Variants in SETD5 observed in about 807,000 individuals in gnomAD.
SETD5 encodes the protein SET domain containing 5.
Under a neutral mutation model 153.3 loss-of-function variants are expected in SETD5, and 44 were observed. That is an observed-to-expected ratio of 0.29 (90% CI 0.23 to 0.37). SETD5 has a LOEUF of 0.37. Ranked by LOEUF, SETD5 falls within the 10% of genes least tolerant of loss-of-function variation. The pLI is 1.00. For missense variants in SETD5, 1,544 were observed against 1,768.0 expected (o/e 0.87, Z 2.27); for synonymous variants, 716 against 645.2 (o/e 1.11, Z -1.66).
intron 1 of SETD5, among the ~76,000 whole-genome samples, chr3:9,405,432 T>C (rs2035498705): frequency 6.6e-6 from 1 of 152,240 alleles, no homozygotes; most frequent in African/African-American, 2.4e-5. Flanking sequence ...TGAACATAAA[T>C]TTTTCATGTC....
chr3:9,416,458 C>T (rs2037478828), intron 1 of SETD5, among the ~76,000 whole-genome samples: 1 of 152,014 alleles, frequency 6.6e-6, no homozygotes, highest in Admixed American at 6.6e-5. Flanking sequence ...AGCTCTTGCT[C>T]CCAAGAATGC....
intron 16 of SETD5, 70 bp from the exon 17 acceptor site, chr3:9,453,669 A>G: frequency 7.1e-7 from 1 of 1,412,488 alleles, no homozygotes; most frequent in Admixed American, 2.5e-5. Flanking sequence ...CAGTTGATGT[A>G]CATTTAAAAC....
intron 1 of SETD5, among the ~76,000 whole-genome samples, chr3:9,405,893 C>T (rs2035574920): frequency 6.6e-6 from 1 of 152,166 alleles, no homozygotes; most frequent in Non-Finnish European, 1.5e-5. Flanking sequence ...TTTCCTACCA[C>T]CAACCTCTGT....
rs1376209760 is a variant in SETD5, at chr3:9,435,828, T to C, written c.489T>C (p.Thr163=). 2 of 1,602,032 alleles carry C rather than the reference T, an allele frequency of 1.2e-6. No homozygotes were observed. The highest frequency in any genetic ancestry group is 1.7e-5 in the Admixed American group (1 of 57,858). ...ACACACCTACAAGCATCACCTTAAC[T>C]GTTAGAAGAACCAAACCCAAGAAGC... is the stretch of plus-strand genomic sequence containing the variant. ...TQHTPTSITL[T]VRRTKPKKRK... The change falls in exon 7 of 23, where the codon ACT becomes ACC. Residue 163 remains threonine, a synonymous_variant. Transcript: ENST00000402198.
At chr3:9,402,770 A>T (rs1230970398) in intron 1 of SETD5, among the ~76,000 whole-genome samples, 1 of 152,168 alleles carries the variant, frequency 6.6e-6, no homozygotes, top group Non-Finnish European at 1.5e-5. Flanking sequence ...TACAAAATAG[A>T]TTTCTGTCTG....
chr3:9,429,738 CTCTTT>C (rs2039753261), intron 3 of SETD5: 2 of 865,910 alleles, frequency 2.3e-6, no homozygotes, highest in South Asian at 2.0e-5. Context: ...TGTATCCCTT[CTCTTT>C]TAAGTTGTCC....
intron 1 of SETD5, among the ~76,000 whole-genome samples, chr3:9,421,137 A>C (rs529499991): frequency 3.2e-4 from 48 of 152,162 alleles, no homozygotes; most frequent in African/African-American, 1.1e-3. Context: ...AGTTGGCAGC[A>C]GTGCCAGGAT....
intron 14 of SETD5, 91 bp downstream of exon 14, chr3:9,447,398 A>G (rs1031612031): frequency 1.3e-5 from 19 of 1,500,020 alleles, no homozygotes; most frequent in Admixed American, 2.2e-5. Context: ...CAGTGTTTTC[A>G]GCTTTGCTCC....
At chr3:9,444,294 G>C (rs2125225341) in intron 11 of SETD5, among the ~76,000 whole-genome samples, 1 of 152,164 alleles carries the variant, frequency 6.6e-6, no homozygotes, top group African/African-American at 2.4e-5. Flanking sequence ...GAGGTTATGT[G>C]GTAAAGTGAT....
At position 9,476,018 on chromosome 3, in the gene SETD5, G is replaced by A. The variant is rs188493095; in HGVS notation, c.4256G>A (p.Ser1419Asn). The A allele has an allele frequency of 9.9e-6, 16 of 1,614,044 alleles. No homozygotes were observed. Among genetic ancestry groups the A allele is most frequent in the South Asian group, 4.4e-5 (4 of 91,090 alleles). The change falls in exon 23 of 23, where the codon AGT becomes AAT. Residue 1419 changes from serine (S) to asparagine (N), a missense_variant. Around this residue, in one of 9 missense-constraint regions of SETD5, gnomAD observed 302 missense variants for 277.6 expected, o/e 1.09. Transcript: ENST00000402198. ...SNSQHYPHRG[S>N]GGVHQYRLQP... ...TCACAGCACTACCCACACCGTGGGA[G>A]TGGGGGTGTGCACCAGTACCGACTC...
rs149442483 is a variant in SETD5 at position 9,457,117 on chromosome 3, T to A, written c.2476+3249T>A. ...TTATTATCAAAGTAGGGCAGGGGCA[T>A]GATGTTCATTATTTGTAAATGATGT... is the stretch of plus-strand genomic sequence containing the variant. On this transcript the variant is annotated intron_variant, in intron 17 of 22. Coordinates refer to ENST00000402198, the MANE Select transcript of SETD5 (RefSeq NM_001080517.3). Among the ~76,000 whole-genome samples, 36 of 152,326 alleles carry A rather than the reference T, an allele frequency of 2.4e-4. No homozygotes were observed. The East Asian group carries it at 6.9e-3, about 29-fold the overall frequency.
At chr3:9,451,486 G>T (rs2042621321) in intron 16 of SETD5, among the ~76,000 whole-genome samples, 1 of 152,164 alleles carries the variant, frequency 6.6e-6, no homozygotes, top group African/African-American at 2.4e-5. Flanking sequence ...TCTCACTGTT[G>T]TCCAGGCTGG....
At chr3:9,438,655 C>A (rs2040890589) in intron 7 of SETD5, among the ~76,000 whole-genome samples, 1 of 152,170 alleles carries the variant, frequency 6.6e-6, no homozygotes, top group Non-Finnish European at 1.5e-5. Context: ...AAAAAATTAT[C>A]ATTTGGATTT....
At chr3:9,429,800 C>A in intron 3 of SETD5, 1 of 1,297,792 alleles carries the variant, frequency 7.7e-7, no homozygotes, top group Non-Finnish European at 1.0e-6. Context: ...TTTTACCTCC[C>A]TTGTACCCAA....
chr3:9,429,659 A>G (rs981070540), intron 3 of SETD5, among the ~76,000 whole-genome samples: 12 of 152,198 alleles, frequency 7.9e-5, no homozygotes, highest in Admixed American at 5.2e-4. Context: ...ATGCCAAATG[A>G]CAATGAAGGT....
In SETD5 at chr3:9,448,649, G is replaced by A. The variant is rs746057480; in HGVS notation, c.2346+19G>A. On this transcript the variant is annotated intron_variant, in intron 16 of 22. Coordinates refer to ENST00000402198, the MANE Select transcript of SETD5 (RefSeq NM_001080517.3). ...TAAGAAGGTATGTCTGTGTTTTTGT[G>A]TGTGTGTTGTGTTTATGTGTGTGTG... 32 of 1,523,756 alleles carry A rather than the reference G, an allele frequency of 2.1e-5. No homozygotes were observed. Among genetic ancestry groups the A allele is most frequent in the Non-Finnish European group, 2.6e-5 (29 of 1,134,760 alleles). The allele number at this position is 1,523,756 out of a possible 1,614,324, so 94.4% of individuals were successfully genotyped here.
At chr3:9,461,696 G>A (rs2043971868) in intron 17 of SETD5, among the ~76,000 whole-genome samples, 1 of 152,140 alleles carries the variant, frequency 6.6e-6, no homozygotes, top group Non-Finnish European at 1.5e-5. Context: ...AATATATGTT[G>A]AATGAATGCC....
At chr3:9,451,183 T>C (rs2042587617) in intron 16 of SETD5, among the ~76,000 whole-genome samples, 1 of 152,220 alleles carries the variant, frequency 6.6e-6, no homozygotes, top group Non-Finnish European at 1.5e-5. Context: ...TTTGCATTGA[T>C]AATTAATATT....
Position 9,434,099 on chromosome 3 carries a change from G to A in SETD5, c.177+149G>A. 1.3e-6 allele frequency: 2 copies of A among 1,562,608 alleles called. No individual in the cohort carries two copies. Among genetic ancestry groups the A allele is most frequent in the Non-Finnish European group, 1.7e-6 (2 of 1,156,156 alleles). On this transcript the variant is annotated intron_variant, in intron 4 of 22. Transcript: ENST00000402198. The surrounding 1 kb of genome is among the most constrained non-coding windows in gnomAD (Gnocchi z 5.6). ...CTGACTCCAGCGGACGTCTAGCCCT[G>A]CATCATTGTTCTTGTTTTTATGTCC...
Sources: gnomAD v4.1 joint callset for allele counts (sites outside exome capture counted in the v4.1 genomes callset) on GRCh38, gnomAD v4.1.1 for gene constraint, gnomAD v4.1.1 regional missense constraint, Gnocchi (gnomAD v3.1) non-coding constraint, MANE v1.5 for transcripts, NCBI Gene and HGNC (gene_info 2026-07-23, HGNC 2026-07-21) for gene names.